Variants in RGS7BP observed in about 807,000 individuals in gnomAD.
RGS7BP encodes the protein regulator of G protein signaling 7 binding protein.
RGS7BP carries 9 observed loss-of-function variants against 31.3 expected under a neutral mutation model. That is an observed-to-expected ratio of 0.29 (90% CI 0.17 to 0.50). The LOEUF (loss-of-function observed/expected upper bound fraction) is 0.50, where lower values mean the gene tolerates loss of function less well. Among genes scored for constraint, RGS7BP ranks in the 20% least tolerant of loss-of-function variants. The pLI is 0.98. For synonymous variants in RGS7BP, 115 were observed against 120.1 expected (o/e 0.96, Z 0.28); for missense variants, 274 against 322.0 (o/e 0.85, Z 1.14).
At chr5:64,577,653 C>T (rs1742472577) in intron 3 of RGS7BP, among the ~76,000 whole-genome samples, 2 of 152,270 alleles carry the variant, frequency 1.3e-5, no homozygotes, top group South Asian at 4.1e-4. Context: ...CCTTGATACT[C>T]CTAATGCCTG....
At chr5:64,513,996 C>G (rs1748908633) in intron 2 of RGS7BP, among the ~76,000 whole-genome samples, 1 of 152,164 alleles carries the variant, frequency 6.6e-6, no homozygotes, top group African/African-American at 2.4e-5. Flanking sequence ...AATCTAAGGT[C>G]AAGGTGTCAG....
Position 64,506,506 on chromosome 5 carries a change from T to G in RGS7BP, c.-119T>G. ...ACCCGCGCAGCCAGCCCCAGCACTG[T>G]GAGCTGCGCGCCTCAGGTCCGGGCT... On this transcript the variant is annotated 5_prime_UTR_variant, in exon 1 of 6. An upstream open reading frame in the 5' UTR loses its in-frame stop. Coordinates refer to ENST00000334025, the MANE Select transcript of RGS7BP (RefSeq NM_001029875.3). This position sits in a 1 kb window ranked among gnomAD's most constrained non-coding sequence, Gnocchi z 4.6. The G allele has an allele frequency of 1.7e-4, 138 of 818,226 alleles. No homozygotes were observed. Among genetic ancestry groups the G allele is most frequent in the Middle Eastern group, 3.9e-4 (1 of 2,554 alleles). 50.7% of individuals were successfully genotyped at this position (818,226 alleles called of 1,614,324 possible). A position where few individuals can be genotyped will look rare whatever the true frequency, so the allele number is the denominator to read the frequency against.
At position 64,611,672 on chromosome 5, in the gene RGS7BP, A is replaced by C. The variant is rs1743506913; in HGVS notation, c.*2420A>C. On this transcript the variant is annotated 3_prime_UTR_variant, in exon 6 of 6. Coordinates refer to ENST00000334025, the MANE Select transcript of RGS7BP (RefSeq NM_001029875.3). ...TTTTCCAGCCTTTGATCAGTTTTGTAGTTCCCGTGGATAAACTCCAAGATC... is the reference window on the plus strand; with the variant it reads ...TTTTCCAGCCTTTGATCAGTTTTGTCGTTCCCGTGGATAAACTCCAAGATC... 6.6e-6 allele frequency: 1 copy of C among 152,198 alleles called. No individual in the cohort carries two copies. Among genetic ancestry groups the C allele is most frequent in the Admixed American group, 6.6e-5 (1 of 15,180 alleles). The allele number at this position is 152,198 out of a possible 1,614,324, so 9.4% of individuals were successfully genotyped here.
Position 64,528,066 on chromosome 5 carries a change from C to G in RGS7BP, c.332+20189C>G, listed in dbSNP as rs1749276390. Among the ~76,000 whole-genome samples the G allele has an allele frequency of 2.6e-5, 4 of 152,198 alleles. No individual in the cohort carries two copies. In the South Asian group the frequency reaches 8.3e-4, roughly 31 times the overall value. On this transcript the variant is annotated intron_variant, in intron 2 of 5. Transcript: ENST00000334025. Reference sequence around the variant, plus strand: ...TTTATTACGAAGATATATGCAAAAACTGGCTGCTTTGCTTGTCCTCTAGGT... The same window carrying G: ...TTTATTACGAAGATATATGCAAAAAGTGGCTGCTTTGCTTGTCCTCTAGGT...
At chr5:64,565,066 A>G (rs917854072) in intron 2 of RGS7BP, among the ~76,000 whole-genome samples, 139 of 152,160 alleles carry the variant, frequency 9.1e-4, no homozygotes, top group African/African-American at 3.2e-3. Flanking sequence ...TATTATGAGT[A>G]AAGAAGAAAC....
intron 2 of RGS7BP, among the ~76,000 whole-genome samples, chr5:64,561,599 C>T (rs1215333716): frequency 6.6e-6 from 1 of 152,158 alleles, no homozygotes; most frequent in African/African-American, 2.4e-5. Flanking sequence ...AAGTGCTTAG[C>T]ATGGTGTCTG....
At chr5:64,518,403 AAG>A (rs199778888) in intron 2 of RGS7BP, among the ~76,000 whole-genome samples, 4,112 of 152,098 alleles carry the variant, frequency 0.027, 127 homozygotes, top group African/African-American at 0.08. Context: ...AAACAAACAA[AAG>A]AGAGTATTTC....
chr5:64,506,502 A>G lies in RGS7BP; in HGVS notation c.-123A>G. 1 of 774,130 alleles carries G rather than the reference A, an allele frequency of 1.3e-6. No individual in the cohort carries two copies. Among genetic ancestry groups the G allele is most frequent in the African/African-American group, 1.8e-5 (1 of 56,520 alleles). The allele number at this position is 774,130 out of a possible 1,614,324, so 48.0% of individuals were successfully genotyped here. A position where few individuals can be genotyped will look rare whatever the true frequency, so the allele number is the denominator to read the frequency against. ...ACCGACCCGCGCAGCCAGCCCCAGCACTGTGAGCTGCGCGCCTCAGGTCCG... is the reference window on the plus strand; with the variant it reads ...ACCGACCCGCGCAGCCAGCCCCAGCGCTGTGAGCTGCGCGCCTCAGGTCCG... On this transcript the variant is annotated 5_prime_UTR_variant, in exon 1 of 6. Transcript: ENST00000334025. The surrounding 1 kb of genome is among the most constrained non-coding windows in gnomAD (Gnocchi z 4.6).
At chr5:64,589,891 C>A (rs1271179796) in intron 3 of RGS7BP, among the ~76,000 whole-genome samples, 1 of 149,366 alleles carries the variant, frequency 6.7e-6, no homozygotes, top group Non-Finnish European at 1.5e-5. Context: ...CATCACTGCA[C>A]TCTAGCCTGG....
At chr5:64,540,855 G>A (rs893184781) in intron 2 of RGS7BP, among the ~76,000 whole-genome samples, 4 of 152,172 alleles carry the variant, frequency 2.6e-5, no homozygotes, top group Non-Finnish European at 5.9e-5. Context: ...GCCTCAACCA[G>A]GCCAAGGGGA....
Position 64,551,319 on chromosome 5 carries a change from G to A in RGS7BP, c.333-24455G>A, listed in dbSNP as rs1178806161. On this transcript the variant is annotated intron_variant, in intron 2 of 5. Coordinates refer to ENST00000334025, the MANE Select transcript of RGS7BP (RefSeq NM_001029875.3). ...ACTCTGTCTCCCAGCCTGGAGTGCAGTGGCGCAATCTTGGCTCACTGCAAC... is the reference window on the plus strand; with the variant it reads ...ACTCTGTCTCCCAGCCTGGAGTGCAATGGCGCAATCTTGGCTCACTGCAAC... Among the ~76,000 whole-genome samples the A allele has an allele frequency of 2.0e-5, 3 of 149,382 alleles. No individual in the cohort carries two copies. The South Asian group carries it at 6.3e-4, about 31-fold the overall frequency.
chr5:64,514,765 C>A (rs1561318979), intron 2 of RGS7BP, among the ~76,000 whole-genome samples: 1 of 152,084 alleles, frequency 6.6e-6, no homozygotes, highest in Non-Finnish European at 1.5e-5. Context: ...CAGGTGGTGG[C>A]CCCTCAGTGG....
intron 2 of RGS7BP, among the ~76,000 whole-genome samples, chr5:64,570,931 A>G (rs1195284703): frequency 6.6e-6 from 1 of 152,056 alleles, no homozygotes; most frequent in Non-Finnish European, 1.5e-5. Context: ...TTAGTTCAAT[A>G]TTTGCTTTTG....
chr5:64,590,115 T>G (rs906072147), intron 3 of RGS7BP, among the ~76,000 whole-genome samples: 9 of 151,856 alleles, frequency 5.9e-5, no homozygotes, highest in South Asian at 2.1e-4. Context: ...AAAAAATTGG[T>G]GCATCCCTAG....
chr5:64,521,996 C>CA (rs1316544308), intron 2 of RGS7BP, among the ~76,000 whole-genome samples: 1 of 152,158 alleles, frequency 6.6e-6, no homozygotes, highest in Non-Finnish European at 1.5e-5. Flanking sequence ...TTAACTTCTA[C>CA]AAAAATCTAT....
At chr5:64,546,673 T>A (rs1210162229) in intron 2 of RGS7BP, among the ~76,000 whole-genome samples, 1 of 55,600 alleles carries the variant, frequency 1.8e-5, no homozygotes, top group African/African-American at 1.1e-4. Context: ...GGGACACAGA[T>A]TAAGAATTTT....
chr5:64,582,852 T>C (rs980461856), intron 3 of RGS7BP, among the ~76,000 whole-genome samples: 1 of 151,832 alleles, frequency 6.6e-6, no homozygotes, highest in Non-Finnish European at 1.5e-5. Context: ...AAGGAGGTGA[T>C]CCACATCAAT....
chr5:64,530,109 T>C, intron 2 of RGS7BP, among the ~76,000 whole-genome samples: 1 of 152,194 alleles, frequency 6.6e-6, no homozygotes, highest in East Asian at 1.9e-4. Context: ...TCTGTGTGCA[T>C]GCACCCGTCA....
At chr5:64,548,867 T>TTTTTTTTTTTTTA (rs1741723706) in intron 2 of RGS7BP, among the ~76,000 whole-genome samples, 1 of 151,558 alleles carries the variant, frequency 6.6e-6, no homozygotes, top group African/African-American at 2.4e-5. Flanking sequence ...TTTTTTTTTT[T>TTTTTTTTTTTTTA]ACTAAGTACC....
Sources: gnomAD v4.1 joint callset for allele counts (sites outside exome capture counted in the v4.1 genomes callset) on GRCh38, gnomAD v4.1.1 for gene constraint, Gnocchi (gnomAD v3.1) non-coding constraint, MANE v1.5 for transcripts, NCBI Gene and HGNC (gene_info 2026-07-23, HGNC 2026-07-21) for gene names.